The following SUPT3H variants were observed in gnomAD, a reference collection of about 807,000 sequenced individuals.
The protein encoded by SUPT3H is SPT3 homolog, SAGA and STAGA complex component, also known as transcription initiation protein SPT3 homolog.
In SUPT3H, 44 loss-of-function variants were observed where a neutral mutation model predicts 44.3. The observed-to-expected ratio is 0.99, with a 90% confidence interval of 0.78 to 1.28. The LOEUF (loss-of-function observed/expected upper bound fraction) is 1.28, where lower values mean the gene tolerates loss of function less well. Among genes scored for constraint, SUPT3H ranks in the 50% most tolerant of loss-of-function variants. The pLI, the probability that SUPT3H is intolerant of heterozygous loss-of-function variation, is 0.00. For synonymous variants in SUPT3H, 124 were observed against 125.6 expected (o/e 0.99, Z 0.09); for missense variants, 380 against 387.1 (o/e 0.98, Z 0.15).
intron 6 of SUPT3H, among the ~76,000 whole-genome samples, chr6:44,979,400 T>TA (rs1334884752): frequency 6.6e-6 from 1 of 152,194 alleles, no homozygotes; most frequent in Non-Finnish European, 1.5e-5. Context: ...AGTCTTAGGC[T>TA]AAAACATGTT....
chr6:44,946,241 A>G lies in SUPT3H; in HGVS notation c.801+7069T>C, dbSNP rs372299738. On this transcript the variant is annotated intron_variant, in intron 9 of 10. Transcript: ENST00000371459. ...CACCCAAGAGCTCTGCTGGAGAAGT[A>G]CAAAAAGATGAACACTGTCTTCACA... Among the ~76,000 whole-genome samples, 48 of 152,366 alleles carry G rather than the reference A, an allele frequency of 3.2e-4. No homozygotes were observed. The East Asian group carries it at 8.5e-3, about 27-fold the overall frequency.
At chr6:45,342,640 C>A (rs1053480577) in intron 2 of SUPT3H, among the ~76,000 whole-genome samples, 1 of 152,128 alleles carries the variant, frequency 6.6e-6, no homozygotes, top group Admixed American at 6.5e-5. Flanking sequence ...AAGGTTTACA[C>A]AGTAGCAGGA....
intron 1 of SUPT3H, chr6:45,371,755 T>C (rs1464562287): frequency 1.3e-6 from 1 of 782,688 alleles, no homozygotes; most frequent in Non-Finnish European, 1.6e-6. Flanking sequence ...AAAGAAAATC[T>C]TAGGTAGATG....
intron 9 of SUPT3H, among the ~76,000 whole-genome samples, chr6:44,951,223 C>T (rs1174138230): frequency 6.7e-6 from 1 of 148,516 alleles, no homozygotes; most frequent in African/African-American, 2.5e-5. Context: ...TCTTTGACTG[C>T]AACTAGAGAA....
At chr6:45,321,988 G>A in intron 2 of SUPT3H, 1 of 711,984 alleles carries the variant, frequency 1.4e-6, no homozygotes, top group Non-Finnish European at 2.3e-6. Flanking sequence ...AAAGTCTTGT[G>A]ACCTCCCAGT....
intron 2 of SUPT3H, among the ~76,000 whole-genome samples, chr6:45,122,331 T>C (rs1801799212): frequency 6.6e-6 from 1 of 152,210 alleles, no homozygotes; most frequent in South Asian, 2.1e-4. Flanking sequence ...TCAGTATAAC[T>C]ACTTAAATTT....
chr6:44,928,882 C>CAAAATAAAAAAAAAAAAAA lies in SUPT3H; in HGVS notation c.912+3770_912+3771insTTTTTTTTTTTTTTATTTT, dbSNP rs1491206167. 7.8e-4 allele frequency among the ~76,000 whole-genome samples: 16 copies of CAAAATAAAAAAAAAAAAAA among 20,638 alleles called. 1 individual carries two copies. The highest frequency in any genetic ancestry group is 2.5e-3 in the Admixed American group (4 of 1,586). 13.5% of individuals were successfully genotyped at this position (20,638 alleles called of 152,430 possible). On this transcript the variant is annotated intron_variant, in intron 10 of 10. Coordinates refer to ENST00000371459, the MANE Select transcript of SUPT3H (RefSeq NM_003599.4). ...TGGGCGACAGAACGAGACTCCGTCT[C>CAAAATAAAAAAAAAAAAAA]AAAAAAAAAAAAAAAAAAAAAAGAA...
intron 10 of SUPT3H, among the ~76,000 whole-genome samples, chr6:44,902,156 G>C (rs1159297302): frequency 5.3e-5 from 8 of 152,120 alleles, no homozygotes; most frequent in South Asian, 2.1e-4. Flanking sequence ...ATGACATGAT[G>C]AAATTCACAC....
At chr6:45,001,639 A>G (rs1424137379) in intron 6 of SUPT3H, among the ~76,000 whole-genome samples, 1 of 151,930 alleles carries the variant, frequency 6.6e-6, no homozygotes, top group African/African-American at 2.4e-5. Flanking sequence ...AAGAAGAAAG[A>G]AAACTAAAAT....
intron 10 of SUPT3H, among the ~76,000 whole-genome samples, chr6:44,925,015 C>G (rs925381112): frequency 6.6e-6 from 1 of 152,132 alleles, no homozygotes; most frequent in Non-Finnish European, 1.5e-5. Flanking sequence ...AATTCTAGAT[C>G]AAAATGATCA....
At chr6:45,362,323 T>A (rs1349620575) in intron 2 of SUPT3H, among the ~76,000 whole-genome samples, 1 of 152,140 alleles carries the variant, frequency 6.6e-6, no homozygotes, top group Admixed American at 6.6e-5. Flanking sequence ...AACTCATTAA[T>A]AGTGAATGGA....
intron 6 of SUPT3H, among the ~76,000 whole-genome samples, chr6:44,979,227 C>A (rs1183997289): frequency 6.6e-6 from 1 of 151,984 alleles, no homozygotes; most frequent in African/African-American, 2.4e-5. Context: ...TTTCTCAAGT[C>A]GCAGAACGAA....
intron 2 of SUPT3H, among the ~76,000 whole-genome samples, chr6:45,163,147 A>G (rs1370703014): frequency 6.6e-6 from 1 of 152,182 alleles, no homozygotes; most frequent in East Asian, 1.9e-4. Flanking sequence ...GTATTTCCAG[A>G]CTTTCTAGGT....
intron 2 of SUPT3H, among the ~76,000 whole-genome samples, chr6:45,361,343 T>C (rs1794226848): frequency 6.6e-6 from 1 of 152,124 alleles, no homozygotes; most frequent in Admixed American, 6.5e-5. Context: ...CGTGGTGACA[T>C]TATAATTACT....
At chr6:44,978,372 A>G (rs138890803) in intron 6 of SUPT3H, among the ~76,000 whole-genome samples, 29 of 152,302 alleles carry the variant, frequency 1.9e-4, no homozygotes, top group Admixed American at 4.6e-4. Flanking sequence ...TTAGTAACAT[A>G]CCTTGGATAA....
intron 2 of SUPT3H, among the ~76,000 whole-genome samples, chr6:45,342,661 CTTTT>C (rs892540367): frequency 7.5e-4 from 113 of 151,002 alleles, no homozygotes; most frequent in African/African-American, 2.5e-3. Context: ...TTTTGGAAGC[CTTTT>C]TTTTTATTTG....
At chr6:45,231,779 C>T (rs1768105176) in intron 2 of SUPT3H, among the ~76,000 whole-genome samples, 1 of 152,140 alleles carries the variant, frequency 6.6e-6, no homozygotes, top group African/African-American at 2.4e-5. Flanking sequence ...ACACTTTGTT[C>T]ATCCTTTACT....
At chr6:45,106,426 T>C (rs1003741135) in intron 2 of SUPT3H, among the ~76,000 whole-genome samples, 1 of 152,092 alleles carries the variant, frequency 6.6e-6, no homozygotes, top group Non-Finnish European at 1.5e-5. Flanking sequence ...AGTCAGACCC[T>C]GTTTTAAAAA....
At chr6:45,289,615 G>A (rs1329044324) in intron 2 of SUPT3H, among the ~76,000 whole-genome samples, 1 of 152,168 alleles carries the variant, frequency 6.6e-6, no homozygotes, top group Admixed American at 6.5e-5. Flanking sequence ...TGAGAGGTCA[G>A]ATAATATATT....
Sources: gnomAD v4.1 joint callset for allele counts (sites outside exome capture counted in the v4.1 genomes callset) on GRCh38, gnomAD v4.1.1 for gene constraint, MANE v1.5 for transcripts, NCBI Gene and HGNC (gene_info 2026-07-23, HGNC 2026-07-21) for gene names.